Variants in GCNT2 observed in about 807,000 individuals in gnomAD.
GCNT2 encodes N-acetyllactosaminide beta-1,6-N-acetylglucosaminyl-transferase.
A neutral mutation model predicts 34.2 loss-of-function variants in GCNT2; 34 were observed. The ratio of observed to expected loss-of-function variants is 1.00; its 90% CI spans 0.76 to 1.32. The LOEUF (loss-of-function observed/expected upper bound fraction) is 1.32. Ranked by LOEUF, GCNT2 falls within the 40% of genes most tolerant of loss-of-function variation. GCNT2 has a pLI of 0.00. For synonymous variants in GCNT2, 212 were observed against 188.0 expected, an observed-to-expected ratio of 1.13 and a Z score of -1.04; for missense variants, 584 against 489.4, an observed-to-expected ratio of 1.19 and a Z score of -1.82.
chr6:10,582,451 T>A (rs6907026), intron 3 of GCNT2, among the ~76,000 whole-genome samples: 1 of 125,164 alleles, frequency 8.0e-6, no homozygotes, highest in Non-Finnish European at 1.6e-5. Context: ...TATTATATAA[T>A]ATATATAATA....
chr6:10,602,239 C>T (rs1364201696), intron 3 of GCNT2, among the ~76,000 whole-genome samples: 1 of 152,182 alleles, frequency 6.6e-6, no homozygotes, highest in Non-Finnish European at 1.5e-5. Context: ...TTACATTGCT[C>T]TTACCTGTAT....
chr6:10,624,974 C>T (rs999716712), intron 4 of GCNT2, among the ~76,000 whole-genome samples: 4 of 152,126 alleles, frequency 2.6e-5, no homozygotes, highest in African/African-American at 4.8e-5. Context: ...ATATTCTTTC[C>T]TTGTTCACTT....
chr6:10,628,039 C>T lies in GCNT2; in HGVS notation c.*1432C>T, dbSNP rs578022959. 2 of 152,594 alleles carry T rather than the reference C, an allele frequency of 1.3e-5. No homozygotes were observed. The highest frequency in any genetic ancestry group is 2.4e-5 in the African/African-American group (1 of 41,488). The allele number at this position is 152,594 out of a possible 1,614,324, so 9.5% of individuals were successfully genotyped here. Reference sequence around the variant, plus strand: ...TGAGGCTTAGAAAGGTTAATAGCACCGGGGAACAATTTCTCTGGGTGAGAA... The same window carrying T: ...TGAGGCTTAGAAAGGTTAATAGCACTGGGGAACAATTTCTCTGGGTGAGAA... On this transcript the variant is annotated 3_prime_UTR_variant, in exon 5 of 5. Transcript: ENST00000495262.
At chr6:10,585,192 T>C (rs928645603) in intron 3 of GCNT2, among the ~76,000 whole-genome samples, 2 of 152,084 alleles carry the variant, frequency 1.3e-5, no homozygotes, top group African/African-American at 4.8e-5. Context: ...TTAAAGTAAG[T>C]GTTTGAAGAG....
At chr6:10,542,550 T>C (rs1762081344) in intron 3 of GCNT2, among the ~76,000 whole-genome samples, 1 of 152,240 alleles carries the variant, frequency 6.6e-6, no homozygotes, top group South Asian at 2.1e-4. Flanking sequence ...CCTGCTTTTC[T>C]GGCTCTATGG....
At chr6:10,595,804 G>C (rs28360558) in intron 3 of GCNT2, among the ~76,000 whole-genome samples, 16,733 of 152,198 alleles carry the variant, frequency 0.11, 1,105 homozygotes, top group Middle Eastern at 0.17. Flanking sequence ...CCTCTTTGCA[G>C]AGGAGTAATT....
At chr6:10,582,383 ATTT>A (rs1233784327) in intron 3 of GCNT2, among the ~76,000 whole-genome samples, 3 of 119,366 alleles carry the variant, frequency 2.5e-5, no homozygotes, top group Non-Finnish European at 4.8e-5. Flanking sequence ...ATAATTTAAT[ATTT>A]ATTATATACT....
intron 3 of GCNT2, among the ~76,000 whole-genome samples, chr6:10,551,994 G>A (rs1392391733): frequency 6.7e-6 from 1 of 149,822 alleles, no homozygotes; most frequent in East Asian, 2.0e-4. Flanking sequence ...CCTGACCTCA[G>A]GTGATCCACC....
At chr6:10,534,157 T>TTTTTTTTTTTTTTTTTTTTTTTTA in intron 3 of GCNT2, among the ~76,000 whole-genome samples, 1 of 145,346 alleles carries the variant, frequency 6.9e-6, no homozygotes. Context: ...TTTTTTTTTT[T>TTTTTTTTTTTTTTTTTTTTTTTTA]TTAAGATGGA....
chr6:10,611,871 T>A (rs1362688648), intron 3 of GCNT2, among the ~76,000 whole-genome samples: 3 of 152,194 alleles, frequency 2.0e-5, no homozygotes, highest in Admixed American at 6.5e-5. Context: ...AAGAAAGTTT[T>A]ATAAGTAAGG....
At chr6:10,572,244 A>C (rs1763584642) in intron 3 of GCNT2, among the ~76,000 whole-genome samples, 1 of 152,174 alleles carries the variant, frequency 6.6e-6, no homozygotes, top group Admixed American at 6.5e-5. Context: ...ATAACCTGGA[A>C]AAAAAATGAT....
In GCNT2 at chr6:10,588,715, G is replaced by GGT. The variant is rs745489286; in HGVS notation, c.926-32622_926-32621dup. On this transcript the variant is annotated intron_variant, in intron 3 of 4. Coordinates refer to ENST00000495262, the MANE Select transcript of GCNT2 (RefSeq NM_145649.5). Reference sequence around the variant, plus strand: ...CTGGAGATGAGGTTAGCAGGGATATGGTGTGTGTGTGTGTGGTGTCCCAAT... The same window carrying GGT: ...CTGGAGATGAGGTTAGCAGGGATATGGTGTGTGTGTGTGTGTGGTGTCCCAAT... Among the ~76,000 whole-genome samples, 7 of 151,454 alleles carry GGT rather than the reference G, an allele frequency of 4.6e-5. No homozygotes were observed. The South Asian group carries it at 6.2e-4, about 13-fold the overall frequency.
chr6:10,533,876 T>C (rs1761628734), intron 3 of GCNT2, among the ~76,000 whole-genome samples: 1 of 150,046 alleles, frequency 6.7e-6, no homozygotes, highest in South Asian at 2.1e-4. Context: ...ACTTGTGGCC[T>C]GTGGCTGCGA....
rs751667369 is a variant in GCNT2, at chr6:10,556,473, T to C, written c.925+26637T>C. 9 of 1,613,854 alleles carry C rather than the reference T, an allele frequency of 5.6e-6. No homozygotes were observed. The East Asian group carries it at 1.8e-4, about 32-fold the overall frequency. On this transcript the variant is annotated intron_variant, in intron 3 of 4. Coordinates refer to ENST00000495262, the MANE Select transcript of GCNT2 (RefSeq NM_145649.5). ...TTCATAATTTCTGTCTCTAGTGTAA[T>C]TATTTTTATCGTCTTCTCTGTGTTC...
chr6:10,608,682 CAA>C (rs747304827), intron 3 of GCNT2, among the ~76,000 whole-genome samples: 36 of 151,992 alleles, frequency 2.4e-4, no homozygotes, highest in Non-Finnish European at 2.8e-4. Flanking sequence ...TAAACAAACA[CAA>C]AAAGAGAGGC....
chr6:10,617,399 C>G (rs973403595), intron 3 of GCNT2, among the ~76,000 whole-genome samples: 1 of 152,230 alleles, frequency 6.6e-6, no homozygotes, highest in African/African-American at 2.4e-5. Flanking sequence ...GCGCCTCTCT[C>G]TCCACACCTC....
At chr6:10,543,203 C>T (rs563194401) in intron 3 of GCNT2, among the ~76,000 whole-genome samples, 4 of 145,632 alleles carry the variant, frequency 2.7e-5, no homozygotes, top group Non-Finnish European at 4.5e-5. Context: ...CCACCACGCC[C>T]GGCCCTTTTT....
At chr6:10,624,868 GCTGC>G in intron 4 of GCNT2, among the ~76,000 whole-genome samples, 1 of 152,058 alleles carries the variant, frequency 6.6e-6, no homozygotes, top group African/African-American at 2.4e-5. Context: ...CTCCCTTTCT[GCTGC>G]CTCTTTTCCT....
chr6:10,601,581 A>AT (rs1765086797), intron 3 of GCNT2, among the ~76,000 whole-genome samples: 1 of 152,180 alleles, frequency 6.6e-6, no homozygotes, highest in Non-Finnish European at 1.5e-5. Flanking sequence ...TAAATTGAAT[A>AT]TATTAGTCAT....
Sources: gnomAD v4.1 joint callset for allele counts (sites outside exome capture counted in the v4.1 genomes callset) on GRCh38, gnomAD v4.1.1 for gene constraint, MANE v1.5 for transcripts, NCBI Gene and HGNC (gene_info 2026-07-23, HGNC 2026-07-21) for gene names.